The following GLYR1 variants were observed in gnomAD, a reference collection of about 807,000 sequenced individuals.
The protein encoded by GLYR1 is glyoxylate reductase 1 homolog.
A neutral mutation model predicts 72.7 loss-of-function variants in GLYR1; 21 were observed. The observed-to-expected ratio is 0.29, with a 90% CI of 0.20 to 0.42. GLYR1 has a LOEUF of 0.42. Among genes scored for constraint, GLYR1 ranks in the 10% least tolerant of loss-of-function variants. The pLI is 1.00. For missense variants in GLYR1, 594 were observed against 712.1 expected, an observed-to-expected ratio of 0.83 and a Z score of 1.89; for synonymous variants, 392 against 270.2, an observed-to-expected ratio of 1.45 and a Z score of -4.42.
At chr16:4,841,607 T>C (rs944887035) in intron 3 of GLYR1, among the ~76,000 whole-genome samples, 5 of 151,568 alleles carry the variant, frequency 3.3e-5, no homozygotes, top group East Asian at 1.9e-4. Context: ...TCCGTGATAC[T>C]GCACTCCAAC....
chr16:4,836,905 C>T (rs949372633), intron 3 of GLYR1, among the ~76,000 whole-genome samples: 1 of 152,044 alleles, frequency 6.6e-6, no homozygotes, highest in African/African-American at 2.4e-5. Flanking sequence ...TCCTCCATGA[C>T]TTCCTGGTTT....
chr16:4,822,797 G>A, intron 7 of GLYR1, 78 bp downstream of exon 7: 2 of 1,233,812 alleles, frequency 1.6e-6, no homozygotes, highest in Non-Finnish European at 1.2e-6. Context: ...CTTTTCAGAT[G>A]GCCAGGCCAG....
At chr16:4,832,265 TGCC>T in intron 4 of GLYR1, 44 bp from the exon 5 acceptor site, 1 of 1,602,722 alleles carries the variant, frequency 6.2e-7, no homozygotes, top group Non-Finnish European at 8.5e-7. Flanking sequence ...CCACAGCTGC[TGCC>T]GCCATCGCCA....
intron 3 of GLYR1, among the ~76,000 whole-genome samples, chr16:4,842,987 A>C (rs1482127165): frequency 6.6e-6 from 1 of 152,232 alleles, no homozygotes; most frequent in Non-Finnish European, 1.5e-5. Flanking sequence ...GGCATGAGCC[A>C]CCATGCCCGA....
intron 14 of GLYR1, 65 bp downstream of exon 14, chr16:4,811,558 C>T (rs1254491351): frequency 7.6e-6 from 12 of 1,585,464 alleles, no homozygotes; most frequent in Non-Finnish European, 1.0e-5. Flanking sequence ...CTCACTAAAT[C>T]CCTGACCTAG....
chr16:4,839,842 T>C (rs895333670), intron 3 of GLYR1: 6 of 152,220 alleles, frequency 3.9e-5, no homozygotes, highest in African/African-American at 1.2e-4. Context: ...AAAGTATAAC[T>C]ACACTTTTTT....
chr16:4,838,472 C>T (rs2085309547), intron 3 of GLYR1, among the ~76,000 whole-genome samples: 1 of 152,188 alleles, frequency 6.6e-6, no homozygotes, highest in African/African-American at 2.4e-5. Context: ...CTTGCAGCTT[C>T]TCCACTGTTT....
intron 6 of GLYR1, 86 bp from the exon 7 acceptor site, chr16:4,823,017 C>A: frequency 9.5e-7 from 1 of 1,049,298 alleles, no homozygotes; most frequent in Non-Finnish European, 1.5e-6. Context: ...TCTCCTCTGG[C>A]TGCAACACCT....
At chr16:4,812,290 C>T (rs2141955548) in intron 12 of GLYR1, 42 bp from the exon 13 acceptor site, 1 of 1,589,730 alleles carries the variant, frequency 6.3e-7, no homozygotes, top group South Asian at 1.1e-5. Context: ...TCCCCTCTCC[C>T]AGCGCTCTCT....
chr16:4,821,024 G>A (rs1216953530), intron 9 of GLYR1, among the ~76,000 whole-genome samples: 1 of 152,240 alleles, frequency 6.6e-6, no homozygotes, highest in East Asian at 1.9e-4. Context: ...GTATACCTGG[G>A]AACTGGTTAA....
intron 3 of GLYR1, among the ~76,000 whole-genome samples, chr16:4,844,539 G>C (rs2085823988): frequency 6.6e-6 from 1 of 152,252 alleles, no homozygotes; most frequent in Admixed American, 6.5e-5. Context: ...GGGAGGCCAA[G>C]GCAGGTGGAT....
In GLYR1 at chr16:4,804,484, T is replaced by G. The variant is rs1046159520; in HGVS notation, c.*752A>C. 2.0e-5 allele frequency: 3 copies of G among 152,890 alleles called. No homozygotes were observed. Among genetic ancestry groups the G allele is most frequent in the African/African-American group, 7.2e-5 (3 of 41,436 alleles). 9.5% of individuals were successfully genotyped at this position (152,890 alleles called of 1,614,324 possible). ...CGCTGTGGCAGTGGCATCTGGGGCATGGCTTCGAGGCGGTGAGGGCCGGGC... is the reference window on the plus strand; with the variant it reads ...CGCTGTGGCAGTGGCATCTGGGGCAGGGCTTCGAGGCGGTGAGGGCCGGGC... On this transcript the variant is annotated 3_prime_UTR_variant, in exon 16 of 16. Transcript: ENST00000321919.
intron 5 of GLYR1, among the ~76,000 whole-genome samples, chr16:4,829,712 G>A (rs1427120533): frequency 2.0e-5 from 3 of 148,468 alleles, no homozygotes; most frequent in East Asian, 1.9e-4. Flanking sequence ...TCACTCTGTC[G>A]CCCAGGCTGG....
chr16:4,836,207 CAATA>C (rs2085120626), intron 3 of GLYR1, among the ~76,000 whole-genome samples: 1 of 152,182 alleles, frequency 6.6e-6, no homozygotes, highest in African/African-American at 2.4e-5. Flanking sequence ...CACTGGTCCT[CAATA>C]AATAATCACT....
At chr16:4,828,012 G>C (rs1443752293) in intron 5 of GLYR1, among the ~76,000 whole-genome samples, 1 of 151,944 alleles carries the variant, frequency 6.6e-6, no homozygotes, top group East Asian at 1.9e-4. Context: ...TGTTCACTTT[G>C]TGTCTCTGTC....
At chr16:4,828,492 G>C (rs1325413373) in intron 5 of GLYR1, among the ~76,000 whole-genome samples, 4 of 152,060 alleles carry the variant, frequency 2.6e-5, no homozygotes, top group South Asian at 2.1e-4. Context: ...ATCTGGAATC[G>C]AACCTGCAGT....
intron 12 of GLYR1, 71 bp downstream of exon 12, chr16:4,813,666 A>C: frequency 2.2e-6 from 3 of 1,341,678 alleles, no homozygotes; most frequent in Non-Finnish European, 3.1e-6. Context: ...TTAACTGCCC[A>C]CTCTTGTAAG....
chr16:4,821,532 A>C lies in GLYR1; in HGVS notation c.732+15T>G, dbSNP rs369398715. ...CAGGTGAAAATTAAAATGGGGAGGC[A>C]TGGAGCCTACATACCTCTTCACATA... is the stretch of plus-strand genomic sequence containing the variant. On this transcript the variant is annotated intron_variant, in intron 8 of 15. Coordinates refer to ENST00000321919, the MANE Select transcript of GLYR1 (RefSeq NM_032569.4). 5 of 1,613,888 alleles carry C rather than the reference A, an allele frequency of 3.1e-6. No homozygotes were observed. The African/African-American group carries it at 6.7e-5, about 22-fold the overall frequency.
At position 4,814,664 on chromosome 16, in the gene GLYR1, T is replaced by C. The variant is rs935438053; in HGVS notation, c.907-17A>G. Reference sequence around the variant, plus strand: ...CAAATCACACTGCAAAAGTCACAGATCCTAACGTGAGCTGCAGGCAGTGCA... The same window carrying C: ...CAAATCACACTGCAAAAGTCACAGACCCTAACGTGAGCTGCAGGCAGTGCA... On this transcript the variant is annotated splice_polypyrimidine_tract_variant and intron_variant, in intron 10 of 15. Transcript: ENST00000321919. The C allele has an allele frequency of 6.3e-7, 1 of 1,577,640 alleles. No individual in the cohort carries two copies. The highest frequency in any genetic ancestry group is 1.7e-4 in the Middle Eastern group (1 of 6,006).
Sources: allele counts gnomAD v4.1 joint callset (sites outside exome capture counted in the v4.1 genomes callset), GRCh38; gene constraint gnomAD v4.1.1; transcripts MANE v1.5; gene names NCBI Gene and HGNC (gene_info 2026-07-23, HGNC 2026-07-21).